Variants in BTG4 observed in about 807,000 individuals in gnomAD.
BTG4 encodes protein BTG4.
Under a neutral mutation model 19.3 loss-of-function variants are expected in BTG4, and 10 were observed. That is an observed-to-expected ratio of 0.52 (90% CI 0.32 to 0.88). The LOEUF (loss-of-function observed/expected upper bound fraction) is 0.88, where lower values mean the gene tolerates loss of function less well. Ranked by LOEUF, BTG4 falls within the 40% of genes least tolerant of loss-of-function variation. The pLI, the probability that BTG4 is intolerant of heterozygous loss-of-function variation, is 0.04. For synonymous variants in BTG4, 91 were observed against 95.7 expected (o/e 0.95, Z 0.29); for missense variants, 238 against 281.9 (o/e 0.84, Z 1.11).
chr11:111,472,738 T>C (rs1864149943), intron 5 of BTG4, among the ~76,000 whole-genome samples: 1 of 152,250 alleles, frequency 6.6e-6, no homozygotes, highest in Admixed American at 6.5e-5. Flanking sequence ...TTGTTATTAC[T>C]TTCCTTCCTC....
At chr11:111,454,094 C>G in the BTG4 span, 1 of 323,988 alleles carries the variant, frequency 3.1e-6, no homozygotes, top group African/African-American at 2.2e-5. Flanking sequence ...ACTGATGCTC[C>G]TTACCCAAGA....
chr11:111,488,062 T>A (rs1865173757), intron 5 of BTG4, among the ~76,000 whole-genome samples: 1 of 151,944 alleles, frequency 6.6e-6, no homozygotes, highest in Non-Finnish European at 1.5e-5. Context: ...GCAATCCCTA[T>A]CAAAATACCA....
At chr11:111,384,192 G>A in the BTG4 span, among the ~76,000 whole-genome samples, 2 of 151,758 alleles carry the variant, frequency 1.3e-5, no homozygotes, top group African/African-American at 4.8e-5. Flanking sequence ...TTTCCCTTCC[G>A]ATTCTTCCAT....
the BTG4 span, among the ~76,000 whole-genome samples, chr11:111,454,074 C>T: frequency 5.9e-5 from 9 of 152,198 alleles, no homozygotes; most frequent in Admixed American, 2.0e-4. Context: ...CTAACAAATT[C>T]CTCAGTAGCA....
chr11:111,491,734 C>A (rs373874505), downstream of BTG4, among the ~76,000 whole-genome samples: 1,008 of 99,412 alleles, frequency 0.01, no homozygotes, highest in African/African-American at 0.018. Context: ...GACCTGATCT[C>A]AAAAAAAAAA....
At chr11:111,471,994 C>T (rs1248940103) in intron 5 of BTG4, among the ~76,000 whole-genome samples, 1 of 152,190 alleles carries the variant, frequency 6.6e-6, no homozygotes, top group Non-Finnish European at 1.5e-5. Flanking sequence ...AACCACTGCT[C>T]ATCAACTACA....
intron 5 of BTG4, among the ~76,000 whole-genome samples, chr11:111,486,976 C>G (rs569345696): frequency 3.9e-5 from 6 of 152,020 alleles, no homozygotes; most frequent in African/African-American, 7.2e-5. Context: ...TCCCTCCCCC[C>G]GCCTCCTCCC....
chr11:111,419,688 G>A, the BTG4 span, among the ~76,000 whole-genome samples: 1 of 152,254 alleles, frequency 6.6e-6, no homozygotes, highest in Non-Finnish European at 1.5e-5. Flanking sequence ...AGTACCAGCA[G>A]CGGGTCTCTG....
the BTG4 span, among the ~76,000 whole-genome samples, chr11:111,444,898 G>A: frequency 6.6e-6 from 1 of 152,096 alleles, no homozygotes; most frequent in Non-Finnish European, 1.5e-5. Flanking sequence ...GCAGGGGAGT[G>A]GTCAGGCTCT....
At chr11:111,394,868 G>C in the BTG4 span, among the ~76,000 whole-genome samples, 1 of 152,204 alleles carries the variant, frequency 6.6e-6, no homozygotes, top group Non-Finnish European at 1.5e-5. Flanking sequence ...AGTCTCAGTA[G>C]AGTGGAAAAG....
At chr11:111,497,130 C>A in intron 4 of BTG4, 81 bp downstream of exon 4, 2 of 1,339,152 alleles carry the variant, frequency 1.5e-6, no homozygotes, top group Non-Finnish European at 2.1e-6. Flanking sequence ...TGTTTTTTTG[C>A]TTCTTTGTTT....
the BTG4 span, chr11:111,414,477 T>C: frequency 6.6e-6 from 1 of 152,218 alleles, no homozygotes; most frequent in African/African-American, 2.4e-5. Flanking sequence ...TTCATCTTCA[T>C]GGGAAACAGA....
At chr11:111,458,331 A>C in the BTG4 span, 10 of 152,376 alleles carry the variant, frequency 6.6e-5, no homozygotes. Flanking sequence ...ACAGGGCTGC[A>C]GCCCTACTGG....
chr11:111,425,737 G>A, the BTG4 span, among the ~76,000 whole-genome samples: 2 of 152,276 alleles, frequency 1.3e-5, no homozygotes, highest in African/African-American at 4.8e-5. Context: ...GAAAAGCATC[G>A]AAATGGATCT....
chr11:111,470,184 C>T (rs1213849358), intron 5 of BTG4, among the ~76,000 whole-genome samples: 1 of 152,154 alleles, frequency 6.6e-6, no homozygotes, highest in African/African-American at 2.4e-5. Flanking sequence ...CAGCCTTGAC[C>T]TGCTGAGCTT....
chr11:111,498,308 T>C (rs1328406618), intron 2 of BTG4, among the ~76,000 whole-genome samples, 173 bp from the exon 3 acceptor site: 1 of 152,200 alleles, frequency 6.6e-6, no homozygotes, highest in African/African-American at 2.4e-5. Context: ...CAACTTTTGA[T>C]ACAGTGGCTC....
the BTG4 span, among the ~76,000 whole-genome samples, chr11:111,424,006 AC>A: frequency 9.2e-5 from 14 of 152,086 alleles, no homozygotes. Context: ...TAGAACCACC[AC>A]CACCAGTGGT....
the BTG4 span, among the ~76,000 whole-genome samples, chr11:111,407,688 A>G: frequency 6.6e-6 from 1 of 152,196 alleles, no homozygotes; most frequent in African/African-American, 2.4e-5. Context: ...AAAGCATAAT[A>G]GTCACTATTT....
the BTG4 span, among the ~76,000 whole-genome samples, chr11:111,392,617 A>C: frequency 6.6e-6 from 1 of 152,158 alleles, no homozygotes; most frequent in Admixed American, 6.5e-5. Context: ...CAGGGATCAC[A>C]TGTGAGAACC....
Sources: gnomAD v4.1 joint callset for allele counts (sites outside exome capture counted in the v4.1 genomes callset) on GRCh38, gnomAD v4.1.1 for gene constraint, MANE v1.5 for transcripts, NCBI Gene and HGNC (gene_info 2026-07-23, HGNC 2026-07-21) for gene names.